XXYLT1: variants seen among roughly 807,000 people sequenced by gnomAD.
XXYLT1 encodes xyloside xylosyltransferase 1.
XXYLT1 carries 20 observed loss-of-function variants against 28.9 expected under a neutral mutation model. The ratio of observed to expected loss-of-function variants is 0.69; its 90% CI spans 0.49 to 1.00. The LOEUF is 1.00. Ranked by LOEUF, XXYLT1 falls within the 50% of genes least tolerant of loss-of-function variation. XXYLT1 has a pLI of 0.00. For missense variants in XXYLT1, 542 were observed against 560.1 expected (o/e 0.97, Z 0.33); for synonymous variants, 257 against 253.8 (o/e 1.01, Z -0.12).
At chr3:195,166,945 G>C (rs1577100660) in intron 2 of XXYLT1, among the ~76,000 whole-genome samples, 1 of 152,108 alleles carries the variant, frequency 6.6e-6, no homozygotes, top group East Asian at 1.9e-4. Context: ...CCAAAGTGCT[G>C]GGATTACAGG....
intron 3 of XXYLT1, among the ~76,000 whole-genome samples, chr3:195,103,992 GA>G (rs1395831592): frequency 2.6e-5 from 4 of 152,224 alleles, no homozygotes; most frequent in Non-Finnish European, 1.5e-5. Flanking sequence ...CTGTTGTTTG[GA>G]ATTCTGAATA....
intron 3 of XXYLT1, among the ~76,000 whole-genome samples, chr3:195,126,779 C>T (rs1718655465): frequency 6.6e-6 from 1 of 152,174 alleles, no homozygotes; most frequent in African/African-American, 2.4e-5. Flanking sequence ...TGCCAGGTGG[C>T]CGGAGGGAGC....
In XXYLT1 at chr3:195,209,270, T is replaced by A. The variant is rs936769052; in HGVS notation, c.652+17439A>T. The A allele has an allele frequency of 1.3e-5, 2 of 152,278 alleles. No homozygotes were observed. Among genetic ancestry groups the A allele is most frequent in the African/African-American group, 4.8e-5 (2 of 41,444 alleles). The allele number at this position is 152,278 out of a possible 1,614,324, so 9.4% of individuals were successfully genotyped here. On this transcript the variant is annotated intron_variant, in intron 2 of 3. Coordinates refer to ENST00000310380, the MANE Select transcript of XXYLT1 (RefSeq NM_152531.5). The surrounding 1 kb of genome is among the most constrained non-coding windows in gnomAD (Gnocchi z 5.0). Reference sequence around the variant, plus strand: ...TAAGGCAGAGGAGACCTACGCCAGGTCCCCGGAGACAAGCCGCTCTCAAAC... The same window carrying A: ...TAAGGCAGAGGAGACCTACGCCAGGACCCCGGAGACAAGCCGCTCTCAAAC...
intron 1 of XXYLT1, among the ~76,000 whole-genome samples, chr3:195,269,211 G>C (rs1387653161): frequency 3.3e-5 from 5 of 152,226 alleles, no homozygotes; most frequent in Non-Finnish European, 7.3e-5. Context: ...TTGGAGACCT[G>C]GTCAAATCCC....
rs538735037 is a variant in XXYLT1 at position 195,209,136 on chromosome 3, T to C, written c.652+17573A>G. On this transcript the variant is annotated intron_variant, in intron 2 of 3. Coordinates refer to ENST00000310380, the MANE Select transcript of XXYLT1 (RefSeq NM_152531.5). The surrounding 1 kb of genome is among the most constrained non-coding windows in gnomAD (Gnocchi z 5.0). The stretch of plus-strand genomic sequence containing the variant: ...GGAAGCTATCTCCCAGAGTGTAAGA[T>C]GCCAGTGGGGTTAGGACAGGAACCG... Among the ~76,000 whole-genome samples, 1 of 152,332 alleles carries C rather than the reference T, an allele frequency of 6.6e-6. No individual in the cohort carries two copies. The highest frequency in any genetic ancestry group is 2.1e-4 in the South Asian group (1 of 4,834).
intron 1 of XXYLT1, among the ~76,000 whole-genome samples, chr3:195,233,604 A>C (rs981282423): frequency 1.3e-5 from 2 of 152,248 alleles, no homozygotes; most frequent in Admixed American, 1.3e-4. Context: ...CTGATTACAT[A>C]AACAAACATA....
chr3:195,149,864 G>C (rs537635239), intron 3 of XXYLT1, among the ~76,000 whole-genome samples: 21 of 152,318 alleles, frequency 1.4e-4, no homozygotes, highest in Admixed American at 1.2e-3. Context: ...AAGCGGGAAG[G>C]AGGGAAACAC....
At chr3:195,253,004 G>T (rs1324753829) in intron 1 of XXYLT1, among the ~76,000 whole-genome samples, 3 of 152,182 alleles carry the variant, frequency 2.0e-5, no homozygotes, top group African/African-American at 7.2e-5. Flanking sequence ...GGGCTCAAGG[G>T]AACGTGGGAA....
chr3:195,104,198 CGTGTGTGTGT>C (rs59361512), intron 3 of XXYLT1, among the ~76,000 whole-genome samples: 2,358 of 142,034 alleles, frequency 0.017, 59 homozygotes, highest in African/African-American at 0.053. Flanking sequence ...ATGAGGGCTC[CGTGTGTGTGT>C]GTGTGTGTGT....
At chr3:195,113,232 C>T (rs1166811278) in intron 3 of XXYLT1, among the ~76,000 whole-genome samples, 4 of 152,210 alleles carry the variant, frequency 2.6e-5, no homozygotes, top group East Asian at 1.9e-4. Flanking sequence ...CCACTGATTT[C>T]GCCGCAACTG....
At chr3:195,207,827 T>C (rs553075636) in intron 2 of XXYLT1, among the ~76,000 whole-genome samples, 1 of 152,290 alleles carries the variant, frequency 6.6e-6, no homozygotes, top group African/African-American at 2.4e-5. Context: ...AATTCCCCTC[T>C]CACTCGTGTG....
chr3:195,131,574 G>T (rs764050686), intron 3 of XXYLT1, among the ~76,000 whole-genome samples: 1 of 152,138 alleles, frequency 6.6e-6, no homozygotes, highest in African/African-American at 2.4e-5. Context: ...CACTTTTCCC[G>T]CTCTCTTTCC....
intron 2 of XXYLT1, among the ~76,000 whole-genome samples, chr3:195,202,289 TC>T (rs976960554): frequency 1.3e-5 from 2 of 149,808 alleles, no homozygotes; most frequent in African/African-American, 4.9e-5. Flanking sequence ...AGAGACACTG[TC>T]CCCCAGTCAC....
chr3:195,226,257 T>A (rs949622953), intron 2 of XXYLT1, among the ~76,000 whole-genome samples: 1 of 152,228 alleles, frequency 6.6e-6, no homozygotes, highest in African/African-American at 2.4e-5. Context: ...TCTTCAGAAG[T>A]TCTACATGGT....
At chr3:195,147,426 C>T (rs993848089) in intron 3 of XXYLT1, among the ~76,000 whole-genome samples, 4 of 152,114 alleles carry the variant, frequency 2.6e-5, no homozygotes, top group Non-Finnish European at 5.9e-5. Context: ...AAAAATTAGC[C>T]AGGCATGGTG....
At chr3:195,107,430 T>C (rs1462133119) in intron 3 of XXYLT1, among the ~76,000 whole-genome samples, 2 of 127,452 alleles carry the variant, frequency 1.6e-5, no homozygotes, top group Non-Finnish European at 3.2e-5. Context: ...GCCAAGATCA[T>C]GCCACTGCAC....
At chr3:195,112,275 G>A (rs982759349) in intron 3 of XXYLT1, among the ~76,000 whole-genome samples, 5 of 152,108 alleles carry the variant, frequency 3.3e-5, no homozygotes, top group African/African-American at 9.7e-5. Flanking sequence ...GGGCAAACAC[G>A]GGTTTCGCTG....
chr3:195,098,469 C>T (rs960936963), intron 3 of XXYLT1, among the ~76,000 whole-genome samples: 3 of 152,218 alleles, frequency 2.0e-5, no homozygotes, highest in South Asian at 2.1e-4. Flanking sequence ...AGGAGAATGG[C>T]GTGAACCCGG....
chr3:195,124,653 A>G lies in XXYLT1; in HGVS notation c.785+31796T>C, dbSNP rs1403260183. 1.3e-5 allele frequency among the ~76,000 whole-genome samples: 2 copies of G among 152,186 alleles called. No homozygotes were observed. Among genetic ancestry groups the G allele is most frequent in the African/African-American group, 4.8e-5 (2 of 41,450 alleles). On this transcript the variant is annotated intron_variant, in intron 3 of 3. Coordinates refer to ENST00000310380, the MANE Select transcript of XXYLT1 (RefSeq NM_152531.5). The surrounding 1 kb of genome is among the most constrained non-coding windows in gnomAD (Gnocchi z 4.1). ...GACAGACTGATAAACTAATGAGCAC[A>G]TGCCTTACTGTCAACTTCCAAAAAC...
Sources: allele counts gnomAD v4.1 joint callset (sites outside exome capture counted in the v4.1 genomes callset), GRCh38; gene constraint gnomAD v4.1.1; non-coding constraint Gnocchi (gnomAD v3.1); transcripts MANE v1.5; gene names NCBI Gene and HGNC (gene_info 2026-07-23, HGNC 2026-07-21).